PHF2: variants seen among roughly 807,000 people sequenced by gnomAD.
PHF2 encodes lysine-specific demethylase PHF2.
Under a neutral mutation model 120.5 loss-of-function variants are expected in PHF2, and 27 were observed. That is an observed-to-expected ratio of 0.22 (90% CI 0.17 to 0.31). PHF2 has a LOEUF of 0.31. Among genes scored for constraint, PHF2 ranks in the 10% least tolerant of loss-of-function variants. The probability of loss-of-function intolerance (pLI) is 1.00; values close to 1 mark genes in which losing one functional copy is unlikely to be tolerated. For missense variants in PHF2, 1,024 were observed against 1,434.8 expected, an observed-to-expected ratio of 0.71 and a Z score of 4.63; for synonymous variants, 568 against 592.5, an observed-to-expected ratio of 0.96 and a Z score of 0.60.
rs1826946750 is a variant in PHF2, at chr9:93,677,777, G to A, written c.*101G>A. On this transcript the variant is annotated 3_prime_UTR_variant, in exon 22 of 22. Coordinates refer to ENST00000359246, the MANE Select transcript of PHF2 (RefSeq NM_005392.4). This position sits in a 1 kb window ranked among gnomAD's most constrained non-coding sequence, Gnocchi z 4.4. ...GTGCCGAGCTGCCTCACCAGGGAGG[G>A]CCTTGCCTCTTCCCGGCTGCCATCT... 2.5e-6 allele frequency: 2 copies of A among 809,178 alleles called. No individual in the cohort carries two copies. Among genetic ancestry groups the A allele is most frequent in the South Asian group, 3.2e-5 (2 of 61,564 alleles). The allele number at this position is 809,178 out of a possible 1,614,324, so 50.1% of individuals were successfully genotyped here.
chr9:93,642,455 A>G (rs1045140847), intron 3 of PHF2, among the ~76,000 whole-genome samples: 2 of 152,264 alleles, frequency 1.3e-5, no homozygotes, highest in African/African-American at 2.4e-5. Context: ...TTATGAAAAT[A>G]CATACTGTCT....
At chr9:93,607,262 G>T (rs1469235542) in intron 1 of PHF2, among the ~76,000 whole-genome samples, 1 of 151,946 alleles carries the variant, frequency 6.6e-6, no homozygotes, top group Non-Finnish European at 1.5e-5. Flanking sequence ...GGTTTTTGTT[G>T]TTGTTGTTGT....
Position 93,678,605 on chromosome 9 carries a change from C to T in PHF2, c.*929C>T, listed in dbSNP as rs575785121. 6.5e-6 allele frequency: 1 copy of T among 152,812 alleles called. No individual in the cohort carries two copies. The highest frequency in any genetic ancestry group is 1.5e-5 in the Non-Finnish European group (1 of 68,190). The allele number at this position is 152,812 out of a possible 1,614,324, so 9.5% of individuals were successfully genotyped here. On this transcript the variant is annotated 3_prime_UTR_variant, in exon 22 of 22. Coordinates refer to ENST00000359246, the MANE Select transcript of PHF2 (RefSeq NM_005392.4). ...GTGGTGTCGCCTGCATGGGTCGTACCTGGATGGTGTGTCCACCATCGACAC... is the reference window on the plus strand; with the variant it reads ...GTGGTGTCGCCTGCATGGGTCGTACTTGGATGGTGTGTCCACCATCGACAC...
intron 3 of PHF2, 27 bp downstream of exon 3, chr9:93,636,552 C>A: frequency 7.0e-7 from 1 of 1,436,786 alleles, no homozygotes; most frequent in Non-Finnish European, 9.6e-7. Flanking sequence ...GTATGCTCCA[C>A]CACCTGCAGC....
chr9:93,665,099 C>T (rs1251515832), intron 14 of PHF2, among the ~76,000 whole-genome samples: 1 of 152,246 alleles, frequency 6.6e-6, no homozygotes, highest in Non-Finnish European at 1.5e-5. Context: ...TCCTCCTTCA[C>T]CCAGGCAGGG....
intron 1 of PHF2, among the ~76,000 whole-genome samples, chr9:93,597,876 T>A (rs1161660906): frequency 1.3e-5 from 2 of 152,166 alleles, no homozygotes; most frequent in East Asian, 3.9e-4. Flanking sequence ...CTCTCAGATC[T>A]TCCTTTAATT....
Position 93,656,627 on chromosome 9 carries a change from C to CTGGGGCTCT in PHF2, c.1147+36_1147+44dup. ...GTCACTCCGGGGTGGGCGTCCAAGCCTGGGGCTCTTGGCTGTGGGGGCAGC... is the reference window on the plus strand; with the variant it reads ...GTCACTCCGGGGTGGGCGTCCAAGCCTGGGGCTCTTGGGGCTCTTGGCTGTGGGGGCAGC... On this transcript the variant is annotated intron_variant, in intron 9 of 21. Transcript: ENST00000359246. The surrounding 1 kb of genome is among the most constrained non-coding windows in gnomAD (Gnocchi z 4.1). 1 of 1,500,284 alleles carries CTGGGGCTCT rather than the reference C, an allele frequency of 6.7e-7. No homozygotes were observed. Among genetic ancestry groups the CTGGGGCTCT allele is most frequent in the East Asian group, 2.3e-5 (1 of 44,220 alleles). 92.9% of individuals were successfully genotyped at this position (1,500,284 alleles called of 1,614,324 possible).
intron 11 of PHF2, among the ~76,000 whole-genome samples, chr9:93,659,875 G>A (rs1237628110): frequency 6.6e-6 from 1 of 152,240 alleles, no homozygotes; most frequent in Non-Finnish European, 1.5e-5. Flanking sequence ...GCACTCTGTG[G>A]GAGGAGCCCC....
In PHF2 at chr9:93,598,249, C is replaced by T. The variant is rs78487718; in HGVS notation, c.98+21378C>T. Among the ~76,000 whole-genome samples the T allele has an allele frequency of 1.1e-4, 16 of 152,290 alleles. No homozygotes were observed. The East Asian group carries it at 1.5e-3, about 15-fold the overall frequency. Reference sequence around the variant, plus strand: ...CGCCAGGCATGCAGCACACTGTGGACGGGTTATTTTGACAAGTGAGCATCA... The same window carrying T: ...CGCCAGGCATGCAGCACACTGTGGATGGGTTATTTTGACAAGTGAGCATCA... On this transcript the variant is annotated intron_variant, in intron 1 of 21. Coordinates refer to ENST00000359246, the MANE Select transcript of PHF2 (RefSeq NM_005392.4).
chr9:93,582,685 A>G (rs999192242), intron 1 of PHF2, among the ~76,000 whole-genome samples: 3 of 152,164 alleles, frequency 2.0e-5, no homozygotes, highest in East Asian at 3.9e-4. Flanking sequence ...ACATATGAAC[A>G]TATTTAGAAT....
intron 1 of PHF2, among the ~76,000 whole-genome samples, chr9:93,588,146 C>T (rs1005247776): frequency 5.3e-5 from 8 of 152,232 alleles, no homozygotes; most frequent in South Asian, 2.1e-4. Context: ...GGCAGAACCA[C>T]AGCTCTGCGG....
intron 1 of PHF2, among the ~76,000 whole-genome samples, chr9:93,597,596 G>A (rs1422523758): frequency 2.0e-5 from 3 of 152,142 alleles, no homozygotes; most frequent in Non-Finnish European, 4.4e-5. Context: ...GCTATGGCTT[G>A]GCTGCTCGGC....
rs774806381 is a variant in PHF2 at position 93,676,760 on chromosome 9, G to A, written c.2999G>A (p.Ser1000Asn). Residue 1000 changes from serine to asparagine, a missense_variant, in exon 21 of 22, where the codon AGC (serine) becomes AAC (asparagine). Ser to Asn is a conservative substitution (Grantham distance 46). This residue lies in a region of PHF2 where 677 missense variants were observed against 857.4 expected (regional missense o/e 0.79). Transcript: ENST00000359246. Reference sequence around the variant, plus strand: ...ACCCCGGCCTCCACCAGCACGGCCAGCAGCCAGGCCTCGCAGGAGGGCAGC... The same window carrying A: ...ACCCCGGCCTCCACCAGCACGGCCAACAGCCAGGCCTCGCAGGAGGGCAGC... The part of the protein sequence containing the change: ...STTPASTSTA[S>N]SQASQEGSSP... 4 of 1,348,156 alleles carry A rather than the reference G, an allele frequency of 3.0e-6. No individual in the cohort carries two copies. The highest frequency in any genetic ancestry group is 5.6e-5 in the East Asian group (2 of 35,588). 83.5% of individuals were successfully genotyped at this position (1,348,156 alleles called of 1,614,324 possible).
chr9:93,644,471 C>T (rs1826220987), intron 3 of PHF2, among the ~76,000 whole-genome samples: 1 of 152,044 alleles, frequency 6.6e-6, no homozygotes, highest in African/African-American at 2.4e-5. Flanking sequence ...TTCTGGTGTG[C>T]AGCGGGAGCC....
At chr9:93,590,047 G>GCA (rs1449172367) in intron 1 of PHF2, among the ~76,000 whole-genome samples, 4 of 152,358 alleles carry the variant, frequency 2.6e-5, no homozygotes, top group African/African-American at 9.6e-5. Context: ...GTGCATGTAT[G>GCA]CATGTATATC....
At chr9:93,583,477 G>A (rs1277767023) in intron 1 of PHF2, among the ~76,000 whole-genome samples, 1 of 152,168 alleles carries the variant, frequency 6.6e-6, no homozygotes, top group Non-Finnish European at 1.5e-5. Flanking sequence ...AACTTTTTGA[G>A]TAACTGGCAA....
chr9:93,629,641 C>T (rs577548522), intron 1 of PHF2, among the ~76,000 whole-genome samples: 2 of 152,336 alleles, frequency 1.3e-5, no homozygotes, highest in East Asian at 3.9e-4. Context: ...CTGAGAACCC[C>T]TCTTCCTTCC....
At chr9:93,667,843 C>T (rs986348405) in intron 17 of PHF2, among the ~76,000 whole-genome samples, 4 of 152,262 alleles carry the variant, frequency 2.6e-5, no homozygotes, top group South Asian at 4.1e-4. Context: ...CGGGTGTTTG[C>T]GGCTGGTCCC....
intron 1 of PHF2, among the ~76,000 whole-genome samples, chr9:93,580,378 G>A (rs150225704): frequency 5.3e-5 from 8 of 152,290 alleles, no homozygotes; most frequent in African/African-American, 1.9e-4. Context: ...GCACTGAGGA[G>A]GACCTGTCCT....
Sources: gnomAD v4.1 joint callset for allele counts (sites outside exome capture counted in the v4.1 genomes callset) on GRCh38, gnomAD v4.1.1 for gene constraint, gnomAD v4.1.1 regional missense constraint, Gnocchi (gnomAD v3.1) non-coding constraint, MANE v1.5 for transcripts, NCBI Gene and HGNC (gene_info 2026-07-23, HGNC 2026-07-21) for gene names.